Variants in HCK observed in about 807,000 individuals in gnomAD.
HCK encodes HCK proto-oncogene, Src family tyrosine kinase, also known as tyrosine-protein kinase HCK.
In HCK, 40 loss-of-function variants were observed where a neutral mutation model predicts 70.4. The ratio of observed to expected loss-of-function variants is 0.57; its 90% CI spans 0.44 to 0.74. HCK has a LOEUF of 0.74. Ranked by LOEUF, HCK falls within the 30% of genes least tolerant of loss-of-function variation. HCK has a pLI of 0.00. For synonymous variants in HCK, 245 were observed against 263.2 expected (o/e 0.93, Z 0.67); for missense variants, 568 against 697.2 (o/e 0.81, Z 2.09).
intron 11 of HCK, among the ~76,000 whole-genome samples, chr20:32,096,803 G>A (rs2045962711): frequency 6.6e-6 from 1 of 152,086 alleles, no homozygotes; most frequent in African/African-American, 2.4e-5. Flanking sequence ...TGCACAGGCT[G>A]CAGTCACCTT....
intron 1 of HCK, among the ~76,000 whole-genome samples, chr20:32,052,949 G>A (rs1486524651): frequency 3.9e-5 from 6 of 152,224 alleles, no homozygotes; most frequent in African/African-American, 1.4e-4. Flanking sequence ...GAGGCGTGAC[G>A]TGCGAGCCAC....
intron 1 of HCK, among the ~76,000 whole-genome samples, chr20:32,066,292 C>T (rs1053639715): frequency 6.9e-6 from 1 of 145,004 alleles, no homozygotes; most frequent in African/African-American, 2.6e-5. Flanking sequence ...GTCCATTGTG[C>T]CCTCCAGTGA....
chr20:32,077,268 C>T (rs546252680), intron 5 of HCK, among the ~76,000 whole-genome samples: 2 of 152,232 alleles, frequency 1.3e-5, no homozygotes, highest in African/African-American at 4.8e-5. Flanking sequence ...ATAGGCAATA[C>T]TTTCAAATGT....
In HCK at chr20:32,070,445, C is replaced by T. The variant is rs140843812; in HGVS notation, c.63-1217C>T. Among the ~76,000 whole-genome samples the T allele has an allele frequency of 3.7e-3, 562 of 152,332 alleles. 3 individuals carry two copies. Among genetic ancestry groups the T allele is most frequent in the African/African-American group, 0.013 (536 of 41,582 alleles). ...ACTCTCCTGCTTTCAGTGCCTCCAA[C>T]TTCTCTCTAAGCACATGCCAGCCTC... On this transcript the variant is annotated intron_variant, in intron 1 of 12. Transcript: ENST00000375852.
At chr20:32,094,805 GAAAGAA>G (rs1569010726) in intron 11 of HCK, among the ~76,000 whole-genome samples, 13 of 78,328 alleles carry the variant, frequency 1.7e-4, no homozygotes, top group Admixed American at 9.0e-4. Flanking sequence ...AAGAAAGAAA[GAAAGAA>G]AGAAAGAAAG....
chr20:32,076,567 T>G (rs116085060), intron 5 of HCK, among the ~76,000 whole-genome samples: 1 of 152,000 alleles, frequency 6.6e-6, no homozygotes, highest in African/African-American at 2.4e-5. Flanking sequence ...AAACGCAGGG[T>G]GTAGACAACA....
intron 1 of HCK, among the ~76,000 whole-genome samples, chr20:32,068,754 C>G (rs7275160): frequency 0.019 from 2,929 of 151,948 alleles, 84 homozygotes; most frequent in African/African-American, 0.065. Context: ...CCTGCCCCCC[C>G]TCTCTGCCCC....
intron 1 of HCK, among the ~76,000 whole-genome samples, chr20:32,057,831 G>A (rs777036034): frequency 6.6e-6 from 1 of 152,116 alleles, no homozygotes; most frequent in Non-Finnish European, 1.5e-5. Flanking sequence ...CATTTCTCCA[G>A]TTTCCTCCCC....
intron 1 of HCK, among the ~76,000 whole-genome samples, chr20:32,066,415 G>A (rs890461904): frequency 6.9e-6 from 1 of 145,048 alleles, no homozygotes; most frequent in African/African-American, 2.6e-5. Context: ...GGGTTCAAGC[G>A]ATTCTCCTAC....
At position 32,069,806 on chromosome 20, in the gene HCK, A is replaced by G. The variant is rs559239374; in HGVS notation, c.63-1856A>G. ...TTTCATTTTTAAAAGTAACTCATCTAAGCCTAGGAGTTTGGGGTTTTTTTC... is the reference window on the plus strand; with the variant it reads ...TTTCATTTTTAAAAGTAACTCATCTGAGCCTAGGAGTTTGGGGTTTTTTTC... On this transcript the variant is annotated intron_variant, in intron 1 of 12. Transcript: ENST00000375852. 4.0e-4 allele frequency: 492 copies of G among 1,234,972 alleles called. 1 individual carries two copies. Among genetic ancestry groups the G allele is most frequent in the Middle Eastern group, 4.4e-4 (2 of 4,550 alleles). 76.5% of individuals were successfully genotyped at this position (1,234,972 alleles called of 1,614,324 possible).
At position 32,052,339 on chromosome 20, in the gene HCK, A is replaced by G; in HGVS notation, c.-86A>G. 1.0e-6 allele frequency: 1 copy of G among 992,592 alleles called. No individual in the cohort carries two copies. The highest frequency in any genetic ancestry group is 1.3e-6 in the Non-Finnish European group (1 of 748,576). 61.5% of individuals were successfully genotyped at this position (992,592 alleles called of 1,614,324 possible). On this transcript the variant is annotated 5_prime_UTR_variant, in exon 1 of 13. Transcript: ENST00000375852. ...AGGACGAGAAACGCCCGCGGCACCA[A>G]AGCCCCTCAGAGCGTCGCCCCCGCC...
chr20:32,099,921 A>T (rs1236088890), intron 12 of HCK, among the ~76,000 whole-genome samples: 2 of 148,466 alleles, frequency 1.3e-5, no homozygotes, highest in Non-Finnish European at 3.0e-5. Flanking sequence ...TTTTTTTAAG[A>T]CAAGGTCTCA....
At chr20:32,101,177 G>A in intron 12 of HCK, 140 bp from the exon 13 acceptor site, 1 of 729,370 alleles carries the variant, frequency 1.4e-6, no homozygotes, top group South Asian at 1.8e-5. Flanking sequence ...GAGGGTGGAA[G>A]TCTGTCTTTC....
At chr20:32,094,055 G>A (rs2045901328) in intron 11 of HCK, 39 bp downstream of exon 11, 1 of 1,591,020 alleles carries the variant, frequency 6.3e-7, no homozygotes, top group South Asian at 1.1e-5. Flanking sequence ...TTGCCCATTT[G>A]GATGCTTGTG....
At chr20:32,073,289 T>G in intron 2 of HCK, 30 bp from the exon 3 acceptor site, 1 of 1,601,242 alleles carries the variant, frequency 6.2e-7, no homozygotes. Context: ...TTGGTCAGAT[T>G]CATTCTCTTC....
At chr20:32,078,743 G>A (rs1002611531) in intron 5 of HCK, among the ~76,000 whole-genome samples, 4 of 151,250 alleles carry the variant, frequency 2.6e-5, no homozygotes, top group African/African-American at 9.7e-5. Context: ...TGTAATCCCA[G>A]CTGCTTGGGA....
At chr20:32,095,815 T>C (rs2045946517) in intron 11 of HCK, among the ~76,000 whole-genome samples, 2 of 152,334 alleles carry the variant, frequency 1.3e-5, no homozygotes, top group Admixed American at 6.5e-5. Context: ...TTTATAGCAC[T>C]AGAGGTCAGA....
intron 2 of HCK, chr20:32,072,476 T>G (rs1163905925): frequency 1.4e-5 from 2 of 147,426 alleles, no homozygotes; most frequent in Non-Finnish European, 3.0e-5. Flanking sequence ...GGCAGGAGGA[T>G]TACTTGAGCC....
chr20:32,058,756 G>A (rs2045316315), intron 1 of HCK, among the ~76,000 whole-genome samples: 1 of 152,066 alleles, frequency 6.6e-6, no homozygotes, highest in East Asian at 1.9e-4. Flanking sequence ...GACCCTCCTA[G>A]GGGAGTAAGG....
Sources: allele counts gnomAD v4.1 joint callset (sites outside exome capture counted in the v4.1 genomes callset), GRCh38; gene constraint gnomAD v4.1.1; transcripts MANE v1.5; gene names NCBI Gene and HGNC (gene_info 2026-07-23, HGNC 2026-07-21).